SLC1A4: variants seen among roughly 807,000 people sequenced by gnomAD.
SLC1A4 encodes the protein solute carrier family 1 member 4.
A neutral mutation model predicts 37.7 loss-of-function variants in SLC1A4; 19 were observed. The ratio of observed to expected loss-of-function variants is 0.50; its 90% CI spans 0.35 to 0.74. SLC1A4 has a LOEUF of 0.74. SLC1A4 is among the 30% of genes least tolerant of loss of function. The probability of loss-of-function intolerance (pLI) is 0.01; values close to 1 mark genes in which losing one functional copy is unlikely to be tolerated. For missense variants in SLC1A4, 570 were observed against 712.9 expected, an observed-to-expected ratio of 0.80 and a Z score of 2.28; for synonymous variants, 299 against 309.8, an observed-to-expected ratio of 0.97 and a Z score of 0.37.
chr2:65,012,378 C>T (rs771197510), intron 4 of SLC1A4, among the ~76,000 whole-genome samples: 8 of 152,160 alleles, frequency 5.3e-5, no homozygotes, highest in Non-Finnish European at 1.0e-4. Flanking sequence ...CATGAGCCAC[C>T]GCGCCCAGCC....
intron 4 of SLC1A4, among the ~76,000 whole-genome samples, chr2:65,015,724 C>A (rs535302116): frequency 6.6e-6 from 1 of 152,144 alleles, no homozygotes; most frequent in African/African-American, 2.4e-5. Context: ...CTTTTGTACC[C>A]CTTGAAATTT....
In SLC1A4 at chr2:65,018,167, G is replaced by A. The variant is rs1290706104; in HGVS notation, c.1131G>A (p.Val377=). The A allele has an allele frequency of 1.2e-6, 2 of 1,614,096 alleles. No homozygotes were observed. The highest frequency in any genetic ancestry group is 1.7e-6 in the Non-Finnish European group (2 of 1,180,046). The change falls in exon 6 of 8, where the codon GTG becomes GTA. Residue 377 remains valine (V), a synonymous_variant. Coordinates refer to ENST00000234256, the MANE Select transcript of SLC1A4 (RefSeq NM_003038.5). The surrounding 1 kb of genome is among the most constrained non-coding windows in gnomAD (Gnocchi z 4.3). ...SRFILPIGAT[V]NMDGAAIFQC... is the part of the protein sequence containing the mutation. ...TTATTCTCCCCATCGGGGCCACCGT[G>A]AACATGGACGGAGCAGCCATCTTCC...
chr2:65,021,398 A>T lies in SLC1A4; in HGVS notation c.*252A>T. ...AGGTGCAACTGTGTGTACACCAGGGATCTGTTTGGAAACAACCCCTTGAGC... is the reference window on the plus strand; with the variant it reads ...AGGTGCAACTGTGTGTACACCAGGGTTCTGTTTGGAAACAACCCCTTGAGC... On this transcript the variant is annotated 3_prime_UTR_variant, in exon 8 of 8. Coordinates refer to ENST00000234256, the MANE Select transcript of SLC1A4 (RefSeq NM_003038.5). 2.0e-6 allele frequency: 1 copy of T among 511,696 alleles called. No individual in the cohort carries two copies. The highest frequency in any genetic ancestry group is 3.5e-6 in the Non-Finnish European group (1 of 285,716). The allele number at this position is 511,696 out of a possible 1,614,324, so 31.7% of individuals were successfully genotyped here.
At chr2:65,019,800 GA>G (rs1674335224) in intron 7 of SLC1A4, among the ~76,000 whole-genome samples, 1 of 152,188 alleles carries the variant, frequency 6.6e-6, no homozygotes, top group Non-Finnish European at 1.5e-5. Context: ...TGTGCGTGGA[GA>G]AGAGGCATCA....
At position 65,021,166 on chromosome 2, in the gene SLC1A4, T is replaced by C. The variant is rs1478195122; in HGVS notation, c.*20T>C. The C allele has an allele frequency of 1.3e-6, 2 of 1,595,418 alleles. No homozygotes were observed. Among genetic ancestry groups the C allele is most frequent in the South Asian group, 2.2e-5 (2 of 90,526 alleles). On this transcript the variant is annotated 3_prime_UTR_variant, in exon 8 of 8. Transcript: ENST00000234256. The stretch of plus-strand genomic sequence containing the variant: ...CTGTGATGGGGCTGGGCTTTGGGCT[T>C]GCCTGCCAGCAGTGATGTCCCACCC...
chr2:65,016,373 G>C, intron 4 of SLC1A4, 67 bp from the exon 5 acceptor site: 1 of 1,263,972 alleles, frequency 7.9e-7, no homozygotes, highest in East Asian at 2.3e-5. Context: ...TTCTGCCTCA[G>C]GAAGGACCTG....
chr2:65,018,825 T>C lies in SLC1A4; in HGVS notation c.1364+146T>C. The C allele has an allele frequency of 1.1e-6, 1 of 906,062 alleles. No individual in the cohort carries two copies. Among genetic ancestry groups the C allele is most frequent in the South Asian group, 1.7e-5 (1 of 58,594 alleles). 56.1% of individuals were successfully genotyped at this position (906,062 alleles called of 1,614,324 possible). A position where few individuals can be genotyped will look rare whatever the true frequency, so the allele number is the denominator to read the frequency against. On this transcript the variant is annotated intron_variant, in intron 7 of 7. Coordinates refer to ENST00000234256, the MANE Select transcript of SLC1A4 (RefSeq NM_003038.5). This position sits in a 1 kb window ranked among gnomAD's most constrained non-coding sequence, Gnocchi z 4.3. ...CTACAGTGGAGCTAAAAGGGCAAGATTTAGAGCTAGGAAAAATTAAACAAT... is the reference window on the plus strand; with the variant it reads ...CTACAGTGGAGCTAAAAGGGCAAGACTTAGAGCTAGGAAAAATTAAACAAT...
chr2:65,013,082 G>A (rs1673982062), intron 4 of SLC1A4, among the ~76,000 whole-genome samples: 2 of 152,154 alleles, frequency 1.3e-5, no homozygotes, highest in South Asian at 4.1e-4. Context: ...AGGGGAAGCA[G>A]GCATGTCTTC....
chr2:64,993,820 G>A (rs1022256176), intron 1 of SLC1A4, among the ~76,000 whole-genome samples: 5 of 152,162 alleles, frequency 3.3e-5, no homozygotes, highest in African/African-American at 1.2e-4. Context: ...TGTTCTGAGG[G>A]TTAGCTGGGT....
chr2:64,998,297 T>G (rs1400184784), intron 1 of SLC1A4, among the ~76,000 whole-genome samples: 2 of 151,608 alleles, frequency 1.3e-5, no homozygotes, highest in Non-Finnish European at 2.9e-5. Flanking sequence ...GGTGCACACC[T>G]GTAGTCCCAA....
rs144265531 is a variant in SLC1A4, at chr2:65,020,927, G to A, written c.1380G>A (p.Thr460=). 2.8e-3 allele frequency: 4,545 copies of A among 1,614,074 alleles called. 17 individuals carry two copies. The highest frequency in any genetic ancestry group is 3.0e-3 in the Non-Finnish European group (3,557 of 1,179,944). ...AVDWIVDRTT[T]VVNVEGDALG... Reference sequence around the variant, plus strand: ...TTCCCACCAGGGACCGGACCACCACGGTGGTGAATGTGGAAGGGGATGCCC... The same window carrying A: ...TTCCCACCAGGGACCGGACCACCACAGTGGTGAATGTGGAAGGGGATGCCC... Residue 460 remains threonine (T), a synonymous_variant, in exon 8 of 8, where the codon ACG becomes ACA. Transcript: ENST00000234256.
Position 65,018,577 on chromosome 2 carries a change from C to T in SLC1A4, c.1262C>T (p.Ala421Val). 3 of 1,614,232 alleles carry T rather than the reference C, an allele frequency of 1.9e-6. No homozygotes were observed. Among genetic ancestry groups the T allele is most frequent in the South Asian group, 1.1e-5 (1 of 91,086 alleles). Residue 421 changes from alanine (A) to valine (V), a missense_variant, in exon 7 of 8, where the codon GCA becomes GTA. Transcript: ENST00000234256. This position sits in a 1 kb window ranked among gnomAD's most constrained non-coding sequence, Gnocchi z 4.3. ...VTATASSVGA[A>V]GVPAGGVLTI... is the part of the protein sequence containing the mutation. ...GCCACAGCGTCCAGTGTTGGAGCAG[C>T]AGGCGTGCCAGCTGGAGGGGTCCTC...
Position 65,004,025 on chromosome 2 carries a change from T to A in SLC1A4, c.633+10T>A. 2 of 1,601,046 alleles carry A rather than the reference T, an allele frequency of 1.2e-6. No homozygotes were observed. The highest frequency in any genetic ancestry group is 1.7e-6 in the Non-Finnish European group (2 of 1,168,072). ...TGTAACCCATGAAAAGGTAAAGCTT[T>A]TTATAAGGTCACTTGTAAAAATATG... is the stretch of plus-strand genomic sequence containing the variant. On this transcript the variant is annotated intron_variant, in intron 3 of 7. Coordinates refer to ENST00000234256, the MANE Select transcript of SLC1A4 (RefSeq NM_003038.5).
intron 4 of SLC1A4, among the ~76,000 whole-genome samples, chr2:65,013,309 G>A (rs577764418): frequency 1.3e-5 from 2 of 152,234 alleles, no homozygotes; most frequent in African/African-American, 4.8e-5. Context: ...CGCAACCTCC[G>A]CCTCCCAGGT....
At chr2:64,991,593 T>TTTTTGTTTG (rs1553370740) in intron 1 of SLC1A4, among the ~76,000 whole-genome samples, 67,164 of 143,236 alleles carry the variant, frequency 0.47, 15,751 homozygotes, top group East Asian at 0.72. Flanking sequence ...ACACCCAGCT[T>TTTTTGTTTG]TTTGTTTGTT....
intron 1 of SLC1A4, among the ~76,000 whole-genome samples, chr2:64,993,378 A>C (rs890647639): frequency 6.6e-6 from 1 of 152,222 alleles, no homozygotes; most frequent in Admixed American, 6.5e-5. Context: ...ATGTTTTTTT[A>C]AAATTCAGAA....
chr2:65,012,933 T>C (rs1673978230), intron 4 of SLC1A4, among the ~76,000 whole-genome samples: 1 of 152,186 alleles, frequency 6.6e-6, no homozygotes, highest in African/African-American at 2.4e-5. Context: ...ATTAGTCCGT[T>C]CTCACACTGC....
At chr2:65,002,432 C>T (rs1014161978) in intron 2 of SLC1A4, among the ~76,000 whole-genome samples, 26 of 151,462 alleles carry the variant, frequency 1.7e-4, no homozygotes, top group Non-Finnish European at 2.4e-4. Flanking sequence ...TTCTGCATAA[C>T]GCCACGGCTG....
chr2:65,015,193 A>G (rs1000373479), intron 4 of SLC1A4, among the ~76,000 whole-genome samples: 2 of 152,226 alleles, frequency 1.3e-5, no homozygotes, highest in African/African-American at 4.8e-5. Context: ...GTAGGCTGTT[A>G]TGTTTAATGA....
Sources: gnomAD v4.1 joint callset for allele counts (sites outside exome capture counted in the v4.1 genomes callset) on GRCh38, gnomAD v4.1.1 for gene constraint, Gnocchi (gnomAD v3.1) non-coding constraint, MANE v1.5 for transcripts, NCBI Gene and HGNC (gene_info 2026-07-23, HGNC 2026-07-21) for gene names.